UBR3: variants seen among roughly 807,000 people sequenced by gnomAD.
The protein encoded by UBR3 is E3 ubiquitin-protein ligase UBR3.
Under a neutral mutation model 243.2 loss-of-function variants are expected in UBR3, and 85 were observed. That is an observed-to-expected ratio of 0.35 (90% confidence interval 0.29 to 0.42). UBR3 has a LOEUF of 0.42. Ranked by LOEUF, UBR3 falls within the 10% of genes least tolerant of loss-of-function variation. The probability of loss-of-function intolerance (pLI) is 1.00; values close to 1 mark genes in which losing one functional copy is unlikely to be tolerated. For missense variants in UBR3, 1,686 were observed against 2,300.8 expected, an observed-to-expected ratio of 0.73 and a Z score of 5.47; for synonymous variants, 748 against 799.8, an observed-to-expected ratio of 0.94 and a Z score of 1.09.
intron 38 of UBR3, among the ~76,000 whole-genome samples, chr2:170,081,459 C>T (rs1027300551): frequency 5.3e-5 from 8 of 151,702 alleles, no homozygotes; most frequent in African/African-American, 1.9e-4. Flanking sequence ...AAGATCGTGC[C>T]ACTGCACTCC....
Position 169,891,240 on chromosome 2 carries a change from A to G in UBR3, c.1105+9A>G. 1.9e-6 allele frequency: 3 copies of G among 1,539,414 alleles called. No individual in the cohort carries two copies. The South Asian group carries it at 3.6e-5, about 19-fold the overall frequency. On this transcript the variant is annotated intron_variant, in intron 6 of 38. Coordinates refer to ENST00000272793, the MANE Select transcript of UBR3 (RefSeq NM_172070.4). ...AAGCAGTGGCACCAAAGGTATTTGT[A>G]TTTATTATTATTTTTTTCCTTGAAT...
intron 5 of UBR3, among the ~76,000 whole-genome samples, chr2:169,888,133 A>C (rs1448014549): frequency 1.1e-4 from 15 of 137,858 alleles, no homozygotes; most frequent in African/African-American, 4.0e-4. Flanking sequence ...TTATTTATTT[A>C]TTTATTTATT....
chr2:170,070,094 A>G (rs570748325), intron 35 of UBR3, among the ~76,000 whole-genome samples: 1 of 152,294 alleles, frequency 6.6e-6, no homozygotes, highest in South Asian at 2.1e-4. Context: ...TCATCCATCA[A>G]TGGACACTTA....
rs1298953346 is a variant in UBR3, at chr2:170,081,878, T to C, written c.*35T>C. The C allele has an allele frequency of 7.3e-7, 1 of 1,363,208 alleles. No homozygotes were observed. The highest frequency in any genetic ancestry group is 1.5e-5 in the African/African-American group (1 of 67,466). 84.4% of individuals were successfully genotyped at this position (1,363,208 alleles called of 1,614,324 possible). A position where few individuals can be genotyped will look rare whatever the true frequency, so the allele number is the denominator to read the frequency against. ...TCAGCATTGCATCGTATCATCATTT[T>C]CGCTACGAATTTATTTTTCAACAAT... On this transcript the variant is annotated 3_prime_UTR_variant, in exon 39 of 39. Coordinates refer to ENST00000272793, the MANE Select transcript of UBR3 (RefSeq NM_172070.4).
rs1423563576 is a variant in UBR3 at position 169,827,473 on chromosome 2, C to T, written c.-35C>T. The T allele has an allele frequency of 1.6e-6, 2 of 1,221,398 alleles. No individual in the cohort carries two copies. The highest frequency in any genetic ancestry group is 2.0e-6 in the Non-Finnish European group (2 of 981,384). The allele number at this position is 1,221,398 out of a possible 1,614,324, so 75.7% of individuals were successfully genotyped here. A position where few individuals can be genotyped will look rare whatever the true frequency, so the allele number is the denominator to read the frequency against. On this transcript the variant is annotated 5_prime_UTR_variant, in exon 1 of 39. Coordinates refer to ENST00000272793, the MANE Select transcript of UBR3 (RefSeq NM_172070.4). ...TCCCTCACTCTCCCTGGAGGAGCCG[C>T]TGGCCCTGGACTCTCCAAATTCTGA...
chr2:169,866,150 CAAAAAAAAAAAAAAAAAAA>C (rs578054467), intron 1 of UBR3, among the ~76,000 whole-genome samples: 1,005 of 53,412 alleles, frequency 0.019, 43 homozygotes, highest in African/African-American at 0.099. Context: ...GACTGTGTCT[CAAAAAAAAAAAAAAAAAAA>C]AAAAAAAAAA....
chr2:169,932,902 T>G lies in UBR3; in HGVS notation c.2567-10T>G. 1 of 1,542,832 alleles carries G rather than the reference T, an allele frequency of 6.5e-7. No homozygotes were observed. The highest frequency in any genetic ancestry group is 1.2e-5 in the South Asian group (1 of 81,978). On this transcript the variant is annotated splice_polypyrimidine_tract_variant and intron_variant, in intron 18 of 38. Coordinates refer to ENST00000272793, the MANE Select transcript of UBR3 (RefSeq NM_172070.4). ...AGAAGTCAATGTTTCTACTTTCTTT[T>G]GAATAATAGCTGAAGTCTGGGATCA...
intron 8 of UBR3, among the ~76,000 whole-genome samples, 163 bp from the exon 9 acceptor site, chr2:169,904,951 C>T (rs1165114970): frequency 6.6e-6 from 1 of 151,862 alleles, no homozygotes; most frequent in Non-Finnish European, 1.5e-5. Context: ...GAAATTGATT[C>T]AGAGAGTGTA....
rs1404274530 is a variant in UBR3 at position 169,949,978 on chromosome 2, T to C, written c.3458T>C (p.Ile1153Thr). The C allele has an allele frequency of 3.7e-6, 6 of 1,613,508 alleles. No individual in the cohort carries two copies. The Admixed American group carries it at 5.0e-5, about 13-fold the overall frequency. The change falls in exon 23 of 39, where the codon ATT becomes ACT. Residue 1153 changes from isoleucine to threonine, a missense_variant. Coordinates refer to ENST00000272793, the MANE Select transcript of UBR3 (RefSeq NM_172070.4). ...CAAAGTAGAATGAACAAACGCATCA[T>C]TGAAGAGATATGTAGAAAAGTGACC... is the stretch of plus-strand genomic sequence containing the variant. Reference protein sequence around the residue: ...ASQSRMNKRIIEEICRKVTPP... With the variant: ...ASQSRMNKRITEEICRKVTPP...
At chr2:170,022,926 T>G (rs1171405389) in intron 30 of UBR3, among the ~76,000 whole-genome samples, 1 of 152,066 alleles carries the variant, frequency 6.6e-6, no homozygotes, top group East Asian at 1.9e-4. Context: ...TTTAAAGAGC[T>G]CTTTCCCATC....
intron 30 of UBR3, 136 bp from the exon 31 acceptor site, chr2:170,029,210 G>T: frequency 1.6e-6 from 1 of 629,166 alleles, no homozygotes; most frequent in Non-Finnish European, 2.7e-6. Context: ...TGAAGTAATT[G>T]GGACTTAAAC....
intron 20 of UBR3, 107 bp from the exon 21 acceptor site, chr2:169,946,180 GA>G: frequency 1.9e-6 from 1 of 532,110 alleles, no homozygotes; most frequent in Non-Finnish European, 3.2e-6. Context: ...GGTATTTCTA[GA>G]TATTAAAGTA....
chr2:169,922,626 C>A (rs886470228), intron 11 of UBR3, among the ~76,000 whole-genome samples: 7 of 152,144 alleles, frequency 4.6e-5, no homozygotes, highest in Admixed American at 6.6e-5. Flanking sequence ...CAGCTTCTGG[C>A]AACCACCATT....
At chr2:169,852,473 C>A (rs115787740) in intron 1 of UBR3, among the ~76,000 whole-genome samples, 6,111 of 152,212 alleles carry the variant, frequency 0.04, 179 homozygotes, top group East Asian at 0.11. Context: ...TGGCGGCTTT[C>A]ACTCTACAAA....
intron 25 of UBR3, 85 bp downstream of exon 25, chr2:169,986,879 A>C (rs1173429681): frequency 1.4e-6 from 2 of 1,416,470 alleles, no homozygotes; most frequent in African/African-American, 2.9e-5. Context: ...TTAAATGAAA[A>C]TTATATCTTT....
rs748347575 is a variant in UBR3, at chr2:169,925,578, C to T, written c.2023-41C>T. On this transcript the variant is annotated intron_variant, in intron 13 of 38. Transcript: ENST00000272793. ...TATTTATAATATTTTGTAAAGATTG[C>T]ATTTAGATAATTTATTCTTTGTCCA... The T allele has an allele frequency of 1.9e-5, 28 of 1,495,720 alleles. 2 individuals are homozygous for T. The South Asian group carries it at 3.6e-4, about 19-fold the overall frequency. 92.7% of individuals were successfully genotyped at this position (1,495,720 alleles called of 1,614,324 possible). A position where few individuals can be genotyped will look rare whatever the true frequency, so the allele number is the denominator to read the frequency against.
intron 36 of UBR3, chr2:170,077,662 T>G: frequency 2.5e-6 from 1 of 400,026 alleles, no homozygotes; most frequent in Non-Finnish European, 4.5e-6. Context: ...CTTGGCTTAC[T>G]GCAACCTCAG....
At position 170,083,247 on chromosome 2, in the gene UBR3, C is replaced by T. The variant is rs541282861; in HGVS notation, c.*1404C>T. ...GACATTACAAGAGTATAAAAATGGA[C>T]ATTAAATCATGGCCTTGCATTAAAA... On this transcript the variant is annotated 3_prime_UTR_variant, in exon 39 of 39. Transcript: ENST00000272793. The T allele has an allele frequency of 7.2e-5, 11 of 152,480 alleles. No individual in the cohort carries two copies. The South Asian group carries it at 1.0e-3, about 14-fold the overall frequency. The allele number at this position is 152,480 out of a possible 1,614,324, so 9.4% of individuals were successfully genotyped here. A position where few individuals can be genotyped will look rare whatever the true frequency, so the allele number is the denominator to read the frequency against.
chr2:169,978,208 C>T (rs2088553103), intron 24 of UBR3, among the ~76,000 whole-genome samples: 1 of 152,084 alleles, frequency 6.6e-6, no homozygotes, highest in African/African-American at 2.4e-5. Context: ...GGAGACTTAC[C>T]CAAGGGGATC....
Sources: gnomAD v4.1 joint callset for allele counts (sites outside exome capture counted in the v4.1 genomes callset) on GRCh38, gnomAD v4.1.1 for gene constraint, MANE v1.5 for transcripts, NCBI Gene and HGNC (gene_info 2026-07-23, HGNC 2026-07-21) for gene names.